The following FAM161A variants were observed in gnomAD, a reference collection of about 807,000 sequenced individuals.
FAM161A encodes the protein protein FAM161A.
A neutral mutation model predicts 70.9 loss-of-function variants in FAM161A; 57 were observed. The observed-to-expected ratio is 0.80, with a 90% CI of 0.65 to 1.00. The LOEUF is 1.00. Ranked by LOEUF, FAM161A falls within the 50% of genes least tolerant of loss-of-function variation. The pLI is 0.00. For missense variants in FAM161A, 880 were observed against 836.0 expected (o/e 1.05, Z -0.65); for synonymous variants, 299 against 295.7 (o/e 1.01, Z -0.12).
chr2:61,839,222 C>T (rs1672900354), intron 3 of FAM161A, among the ~76,000 whole-genome samples, 199 bp downstream of exon 3: 1 of 151,894 alleles, frequency 6.6e-6, no homozygotes, highest in African/African-American at 2.4e-5. Flanking sequence ...TTTTCTAATC[C>T]CCCAAAATTT....
chr2:61,805,254 T>C, the FAM161A span, among the ~76,000 whole-genome samples: 1 of 152,134 alleles, frequency 6.6e-6, no homozygotes, highest in African/African-American at 2.4e-5. Flanking sequence ...GCCTGTAACC[T>C]CTGCCTCTGC....
At chr2:61,836,292 C>T (rs2105074277) in intron 4 of FAM161A, 183 bp from the exon 5 acceptor site, 1 of 571,190 alleles carries the variant, frequency 1.8e-6, no homozygotes, top group Admixed American at 3.2e-5. Context: ...CTCTTCTATA[C>T]CGGTTAATTC....
the FAM161A span, among the ~76,000 whole-genome samples, chr2:61,813,282 T>A: frequency 1.3e-5 from 2 of 151,486 alleles, no homozygotes; most frequent in African/African-American, 4.9e-5. Flanking sequence ...CTAGTAATTT[T>A]AAAAATTAGC....
the FAM161A span, among the ~76,000 whole-genome samples, chr2:61,816,379 G>A: frequency 4.6e-5 from 7 of 152,120 alleles, no homozygotes; most frequent in East Asian, 1.3e-3. Context: ...GTATCATCTT[G>A]ACACTGGGGG....
At chr2:61,845,716 G>C (rs994402136) in intron 1 of FAM161A, among the ~76,000 whole-genome samples, 121 of 151,992 alleles carry the variant, frequency 8.0e-4, no homozygotes, top group African/African-American at 2.8e-3. Context: ...GATCACTTGA[G>C]CCCAGGAGGT....
chr2:61,820,585 A>G, downstream of FAM161A: 1 of 721,856 alleles, frequency 1.4e-6, no homozygotes, highest in South Asian at 1.4e-5. Context: ...AAATGTGAAC[A>G]CTGCTAGGTA....
In FAM161A at chr2:61,839,927, G is replaced by A; in HGVS notation, c.1077C>T (p.Pro359=). The A allele has an allele frequency of 6.2e-7, 1 of 1,614,204 alleles. No individual in the cohort carries two copies. The highest frequency in any genetic ancestry group is 1.6e-4 in the Middle Eastern group (1 of 6,062). ...TTGAACCATAAGTAGATCGAGGAATGGGTCTGGCTTTAAATCGATTTGTTT... is the reference window on the plus strand; with the variant it reads ...TTGAACCATAAGTAGATCGAGGAATAGGTCTGGCTTTAAATCGATTTGTTT... ...KKKTNRFKAR[P]IPRSTYGSTT... is the part of the protein sequence containing the mutation. The change falls in exon 3 of 7, where the codon CCC becomes CCT. Residue 359 remains proline (P), a synonymous_variant. Transcript: ENST00000404929.
intron 1 of FAM161A, among the ~76,000 whole-genome samples, 151 bp from the exon 2 acceptor site, chr2:61,842,511 T>C (rs952698610): frequency 6.6e-6 from 1 of 152,224 alleles, no homozygotes; most frequent in Non-Finnish European, 1.5e-5. Flanking sequence ...TATAGGTTAT[T>C]TGTGGGCTAT....
chr2:61,813,718 C>CAAAAAAAAA, the FAM161A span, among the ~76,000 whole-genome samples: 1 of 87,008 alleles, frequency 1.1e-5, no homozygotes, highest in Non-Finnish European at 2.3e-5. Flanking sequence ...GACCCTGTCT[C>CAAAAAAAAA]AAAAAAAAAA....
chr2:61,807,794 C>A, the FAM161A span, among the ~76,000 whole-genome samples: 1 of 152,016 alleles, frequency 6.6e-6, no homozygotes, highest in Non-Finnish European at 1.5e-5. Context: ...GCACACAGCA[C>A]CACACCTGGC....
At chr2:61,812,637 A>G in the FAM161A span, among the ~76,000 whole-genome samples, 1 of 152,252 alleles carries the variant, frequency 6.6e-6, no homozygotes, top group South Asian at 2.1e-4. Context: ...CAGGAGAATC[A>G]CTTGAACCTG....
Position 61,838,562 on chromosome 2 carries a change from G to T in FAM161A, c.1727C>A (p.Ser576Tyr), listed in dbSNP as rs759716157. The T allele has an allele frequency of 6.2e-7, 1 of 1,608,404 alleles. No homozygotes were observed. Among genetic ancestry groups the T allele is most frequent in the Non-Finnish European group, 8.5e-7 (1 of 1,177,132 alleles). Residue 576 changes from serine (S) to tyrosine (Y), a missense_variant, in exon 4 of 7, where the codon TCT (serine) becomes TAT (tyrosine). Ser to Tyr is a moderately radical substitution (Grantham distance 144). Coordinates refer to ENST00000404929, the MANE Select transcript of FAM161A (RefSeq NM_001201543.2). ...YDSHQSLAQI[S>Y]KSRVKCLRKS... ...CCTGAGACATTTTACTCTGGATTTA[G>T]ATATTTGAGCTAAACTTTGATGTGA... is the stretch of plus-strand genomic sequence containing the variant.
intron 1 of FAM161A, chr2:61,846,778 GAC>G: frequency 2.8e-6 from 1 of 356,874 alleles, no homozygotes; most frequent in Non-Finnish European, 5.6e-6. Flanking sequence ...TTAGCCCTCT[GAC>G]TGCTTCCTGT....
rs1202802838 is a variant in FAM161A at position 61,825,712 on chromosome 2, A to G, written c.*743T>C. ...GAGTGCAGTGGCGCGATCTCGGCTC[A>G]CTGCAAGCTCTGCCTCCTGGGTTCA... On this transcript the variant is annotated 3_prime_UTR_variant, in exon 7 of 7. Coordinates refer to ENST00000404929, the MANE Select transcript of FAM161A (RefSeq NM_001201543.2). 2 of 413,774 alleles carry G rather than the reference A, an allele frequency of 4.8e-6. No homozygotes were observed. Among genetic ancestry groups the G allele is most frequent in the Non-Finnish European group, 4.7e-6 (1 of 213,790 alleles). The allele number at this position is 413,774 out of a possible 1,614,324, so 25.6% of individuals were successfully genotyped here.
At chr2:61,832,859 C>T (rs1672634921) in intron 5 of FAM161A, among the ~76,000 whole-genome samples, 2 of 152,180 alleles carry the variant, frequency 1.3e-5, no homozygotes, top group African/African-American at 4.8e-5. Flanking sequence ...GAAAAATGGT[C>T]TTCCATAAAA....
chr2:61,844,310 G>C (rs1422290112), intron 1 of FAM161A, among the ~76,000 whole-genome samples: 1 of 152,142 alleles, frequency 6.6e-6, no homozygotes, highest in East Asian at 1.9e-4. Flanking sequence ...CTTATCTGCA[G>C]GATGACTACT....
At chr2:61,806,074 C>T in the FAM161A span, among the ~76,000 whole-genome samples, 2 of 152,000 alleles carry the variant, frequency 1.3e-5, no homozygotes, top group Admixed American at 6.6e-5. Flanking sequence ...AAAAATTAGC[C>T]GGGTGTGGTG....
chr2:61,825,472 G>C lies in FAM161A; in HGVS notation c.*983C>G. The C allele has an allele frequency of 4.4e-6, 2 of 449,736 alleles. No homozygotes were observed. 27.9% of individuals were successfully genotyped at this position (449,736 alleles called of 1,614,324 possible). A position where few individuals can be genotyped will look rare whatever the true frequency, so the allele number is the denominator to read the frequency against. On this transcript the variant is annotated 3_prime_UTR_variant, in exon 7 of 7. Transcript: ENST00000404929. ...TTACTTCCATCTGTAATAATACATA[G>C]GGTTAAAAAAACTAGTATAAAAACT...
chr2:61,852,629 G>A (rs996247269), intron 1 of FAM161A, among the ~76,000 whole-genome samples: 1 of 152,148 alleles, frequency 6.6e-6, no homozygotes, highest in African/African-American at 2.4e-5. Context: ...ATTGTGTTGA[G>A]GGGTAGCTTC....
Sources: allele counts gnomAD v4.1 joint callset (sites outside exome capture counted in the v4.1 genomes callset), GRCh38; gene constraint gnomAD v4.1.1; transcripts MANE v1.5; gene names NCBI Gene and HGNC (gene_info 2026-07-23, HGNC 2026-07-21).